Variants in NLGN1 observed in about 807,000 individuals in gnomAD.
The protein encoded by NLGN1 is neuroligin-1.
NLGN1 carries 12 observed loss-of-function variants against 65.5 expected under a neutral mutation model. That is an observed-to-expected ratio of 0.18 (90% CI 0.12 to 0.30). The LOEUF (loss-of-function observed/expected upper bound fraction) is 0.30, where lower values mean the gene tolerates loss of function less well. NLGN1 is among the 10% of genes least tolerant of loss of function. NLGN1 has a pLI of 1.00. For missense variants in NLGN1, 750 were observed against 1,007.1 expected, an observed-to-expected ratio of 0.74 and a Z score of 3.46; for synonymous variants, 350 against 359.5, an observed-to-expected ratio of 0.97 and a Z score of 0.30.
intron 3 of NLGN1, among the ~76,000 whole-genome samples, chr3:173,640,331 C>T (rs892639104): frequency 6.6e-6 from 1 of 151,996 alleles, no homozygotes; most frequent in African/African-American, 2.4e-5. Flanking sequence ...GTATTATATT[C>T]TTCTTATAGA....
At chr3:173,760,477 C>A (rs1777810919) in intron 3 of NLGN1, among the ~76,000 whole-genome samples, 1 of 151,782 alleles carries the variant, frequency 6.6e-6, no homozygotes, top group East Asian at 1.9e-4. Flanking sequence ...AGTTTTTATT[C>A]TTGTTTTACT....
chr3:174,208,108 G>C (rs1469200001), intron 4 of NLGN1, among the ~76,000 whole-genome samples: 1 of 152,116 alleles, frequency 6.6e-6, no homozygotes, highest in Non-Finnish European at 1.5e-5. Flanking sequence ...ATGGGCATCT[G>C]CTCCCCATTA....
At chr3:173,935,593 T>TACACACACACACACACACAC (rs769538665) in intron 4 of NLGN1, among the ~76,000 whole-genome samples, 9 of 142,806 alleles carry the variant, frequency 6.3e-5, no homozygotes, top group African/African-American at 2.3e-4. Flanking sequence ...ATATACAGTC[T>TACACACACACACACACACAC]ACACACACAC....
At chr3:173,734,836 C>T (rs1773478957) in intron 3 of NLGN1, among the ~76,000 whole-genome samples, 1 of 151,974 alleles carries the variant, frequency 6.6e-6, no homozygotes, top group African/African-American at 2.4e-5. Flanking sequence ...ATTGCAATTG[C>T]TTTTTTCTGA....
intron 2 of NLGN1, among the ~76,000 whole-genome samples, chr3:173,577,208 T>C (rs1024128384): frequency 6.6e-6 from 1 of 152,226 alleles, no homozygotes; most frequent in African/African-American, 2.4e-5. Flanking sequence ...ACCAGACTTA[T>C]GAATGATGAG....
intron 3 of NLGN1, among the ~76,000 whole-genome samples, chr3:173,740,619 T>G (rs1034434311): frequency 1.3e-5 from 2 of 150,286 alleles, no homozygotes; most frequent in Admixed American, 1.3e-4. Context: ...AAGAAAGGAG[T>G]AAAAAAAATT....
chr3:173,894,075 G>C (rs1735887367), intron 4 of NLGN1, among the ~76,000 whole-genome samples: 1 of 152,046 alleles, frequency 6.6e-6, no homozygotes, highest in Non-Finnish European at 1.5e-5. Context: ...CCATCCCTTG[G>C]GGTGAGCTTG....
intron 4 of NLGN1, among the ~76,000 whole-genome samples, chr3:174,057,136 A>AG (rs1736314197): frequency 6.6e-6 from 1 of 151,980 alleles, no homozygotes; most frequent in African/African-American, 2.4e-5. Context: ...AGGGGAAAAA[A>AG]AAAGAACTTA....
At chr3:174,088,802 A>C (rs1384445102) in intron 4 of NLGN1, among the ~76,000 whole-genome samples, 4 of 148,258 alleles carry the variant, frequency 2.7e-5, no homozygotes, top group African/African-American at 9.9e-5. Flanking sequence ...ATAAATAAAT[A>C]AATAAAACTA....
chr3:173,875,056 G>T (rs1472062994), intron 4 of NLGN1, among the ~76,000 whole-genome samples: 2 of 152,058 alleles, frequency 1.3e-5, no homozygotes, highest in Non-Finnish European at 2.9e-5. Context: ...TACTATTGGG[G>T]GTATAAATCA....
intron 4 of NLGN1, among the ~76,000 whole-genome samples, chr3:173,886,684 G>T (rs369560433): frequency 6.6e-6 from 1 of 151,938 alleles, no homozygotes. Flanking sequence ...TGTAAAAATC[G>T]AAATAAATGA....
At chr3:174,071,380 T>C (rs1176021374) in intron 4 of NLGN1, among the ~76,000 whole-genome samples, 1 of 152,004 alleles carries the variant, frequency 6.6e-6, no homozygotes, top group African/African-American at 2.4e-5. Context: ...GGCTATCCCA[T>C]CTAAAAAAGA....
intron 2 of NLGN1, among the ~76,000 whole-genome samples, chr3:173,579,683 G>A (rs902207486): frequency 2.0e-5 from 3 of 152,350 alleles, no homozygotes; most frequent in African/African-American, 7.2e-5. Context: ...GATTGTGGGA[G>A]TAGATTCTTC....
chr3:173,455,493 C>T (rs541909983), intron 2 of NLGN1, among the ~76,000 whole-genome samples: 357 of 151,928 alleles, frequency 2.3e-3, no homozygotes, highest in African/African-American at 8.5e-3. Context: ...CAGTGATCAC[C>T]CTAATAGATA....
At chr3:173,638,735 A>T (rs571133950) in intron 3 of NLGN1, among the ~76,000 whole-genome samples, 202 of 152,308 alleles carry the variant, frequency 1.3e-3, no homozygotes, top group African/African-American at 4.8e-3. Flanking sequence ...TGAAATATCA[A>T]TTTTAAAAAT....
intron 4 of NLGN1, among the ~76,000 whole-genome samples, chr3:174,098,679 A>G (rs1323342822): frequency 1.3e-5 from 2 of 152,186 alleles, no homozygotes; most frequent in African/African-American, 4.8e-5. Flanking sequence ...TGATTTAATC[A>G]GTTCAGTGTT....
intron 4 of NLGN1, among the ~76,000 whole-genome samples, chr3:174,181,755 C>T (rs1268467209): frequency 7.1e-6 from 1 of 140,194 alleles, no homozygotes; most frequent in Non-Finnish European, 1.5e-5. Context: ...ATGGTGAAAC[C>T]CTGTCTCTCC....
At chr3:173,542,371 T>A (rs1335167350) in intron 2 of NLGN1, among the ~76,000 whole-genome samples, 1 of 152,036 alleles carries the variant, frequency 6.6e-6, no homozygotes, top group Non-Finnish European at 1.5e-5. Flanking sequence ...GGAAGTTAAC[T>A]TTTTTATTTG....
intron 3 of NLGN1, among the ~76,000 whole-genome samples, chr3:173,801,782 A>G (rs1715506557): frequency 6.6e-6 from 1 of 152,118 alleles, no homozygotes; most frequent in Admixed American, 6.5e-5. Context: ...TCGCTGTCCA[A>G]GAGTTATTCT....
Sources: gnomAD v4.1 joint callset for allele counts (sites outside exome capture counted in the v4.1 genomes callset) on GRCh38, gnomAD v4.1.1 for gene constraint, MANE v1.5 for transcripts, NCBI Gene and HGNC (gene_info 2026-07-23, HGNC 2026-07-21) for gene names.